ZNF443: variants seen among roughly 807,000 people sequenced by gnomAD.
ZNF443 encodes the protein zinc finger protein 443.
ZNF443 carries 3 observed loss-of-function variants against 12.0 expected under a neutral mutation model. The observed-to-expected ratio is 0.25, with a 90% CI of 0.11 to 0.64. The LOEUF (loss-of-function observed/expected upper bound fraction) is 0.64. ZNF443 is among the 30% of genes least tolerant of loss of function. The pLI is 0.84. For synonymous variants in ZNF443, 225 were observed against 265.9 expected, an observed-to-expected ratio of 0.85 and a Z score of 1.50; for missense variants, 770 against 808.8, an observed-to-expected ratio of 0.95 and a Z score of 0.58.
chr19:12,437,841 C>T (rs1265087186), intron 1 of ZNF443, among the ~76,000 whole-genome samples: 1 of 151,754 alleles, frequency 6.6e-6, no homozygotes, highest in Non-Finnish European at 1.5e-5. Context: ...CCTGTAATCC[C>T]AGCACTTTAG....
chr19:12,430,487 C>A lies in ZNF443; in HGVS notation c.1685G>T (p.Cys562Phe). The A allele has an allele frequency of 2.5e-6, 4 of 1,614,162 alleles. No individual in the cohort carries two copies. Among genetic ancestry groups the A allele is most frequent in the Non-Finnish European group, 3.4e-6 (4 of 1,179,994 alleles). The change falls in exon 4 of 4, where the codon TGT becomes TTT. Residue 562 changes from cysteine (C) to phenylalanine (F), a missense_variant. Coordinates refer to ENST00000301547, the MANE Select transcript of ZNF443 (RefSeq NM_005815.5). ...RIHSGEKPYECKECGKAFSWL... is the reference protein window; with the variant it reads ...RIHSGEKPYEFKECGKAFSWL... Reference sequence around the variant, plus strand: ...AGAGAATGCTTTCCCACATTCCTTACATTCATACGGCTTCTCTCCAGAGTG... The same window carrying A: ...AGAGAATGCTTTCCCACATTCCTTAAATTCATACGGCTTCTCTCCAGAGTG...
rs766072284 is a variant in ZNF443, at chr19:12,430,720, G to A, written c.1452C>T (p.Ala484=). 8 of 1,613,138 alleles carry A rather than the reference G, an allele frequency of 5.0e-6. No individual in the cohort carries two copies. The highest frequency in any genetic ancestry group is 5.9e-6 in the Non-Finnish European group (7 of 1,179,428). ...TTTGAAAGGAACAGAAATCAATACA[G>A]GCTTTCCCAAGTTTGCATTTATAGG... ...EKPYKCKLGK[A]CIDFCSFQNH... is the part of the protein sequence containing the mutation. Residue 484 remains alanine (A), a synonymous_variant, in exon 4 of 4, where the codon GCC becomes GCT. Transcript: ENST00000301547.
rs377099912 is a variant in ZNF443, at chr19:12,436,472, C to T, written c.4-3275G>A. On this transcript the variant is annotated intron_variant, in intron 1 of 3. Transcript: ENST00000301547. Reference sequence around the variant, plus strand: ...TTCAGCCTGGGCAACAAGAGCGAACCTCTGTCTCAAAAAAAAAGGGGTAGA... The same window carrying T: ...TTCAGCCTGGGCAACAAGAGCGAACTTCTGTCTCAAAAAAAAAGGGGTAGA... 2.3e-4 allele frequency among the ~76,000 whole-genome samples: 35 copies of T among 151,680 alleles called. 1 individual carries two copies. The South Asian group carries it at 7.3e-3, about 32-fold the overall frequency.
chr19:12,439,493 T>C (rs1056885447), intron 1 of ZNF443, among the ~76,000 whole-genome samples: 21 of 151,980 alleles, frequency 1.4e-4, no homozygotes, highest in Non-Finnish European at 3.1e-4. Flanking sequence ...GCTGTGGACA[T>C]CCATTTTTTT....
In ZNF443 at chr19:12,430,067, G is replaced by A; in HGVS notation, c.*89C>T. 6.3e-7 allele frequency: 1 copy of A among 1,591,646 alleles called. No homozygotes were observed. Among genetic ancestry groups the A allele is most frequent in the Non-Finnish European group, 8.6e-7 (1 of 1,168,484 alleles). ...CTTTACCAAGTGCTTACATTCACAG[G>A]GTCTATCTCCAATGTGTTTCGTACA... On this transcript the variant is annotated 3_prime_UTR_variant, in exon 4 of 4. Transcript: ENST00000301547.
At chr19:12,437,239 T>A (rs68146456) in intron 1 of ZNF443, among the ~76,000 whole-genome samples, 49,591 of 151,046 alleles carry the variant, frequency 0.33, 8,572 homozygotes, top group South Asian at 0.47. Flanking sequence ...GTGTAAAAAA[T>A]TAAATAAATA....
Position 12,430,339 on chromosome 19 carries a change from A to C in ZNF443, c.1833T>G (p.Thr611=). The change falls in exon 4 of 4, where the codon ACT becomes ACG. Residue 611 remains threonine (T), a synonymous_variant. Transcript: ENST00000301547. ...RFLQGHEKTH[T]GENPYECKEC... ...CCTTACATTCATACGGGTTCTCTCC[A>C]GTATGAGTTTTTTCATGTCCTTGAA... The C allele has an allele frequency of 6.2e-7, 1 of 1,613,850 alleles. No homozygotes were observed. Among genetic ancestry groups the C allele is most frequent in the Non-Finnish European group, 8.5e-7 (1 of 1,179,836 alleles).
At chr19:12,440,500 C>T (rs1189222309) in intron 1 of ZNF443, among the ~76,000 whole-genome samples, 2 of 152,164 alleles carry the variant, frequency 1.3e-5, no homozygotes, top group African/African-American at 2.4e-5. Flanking sequence ...CTACACCCAG[C>T]CGCCCCCGTC....
chr19:12,438,727 CA>C (rs1023247042), intron 1 of ZNF443, among the ~76,000 whole-genome samples: 2 of 150,772 alleles, frequency 1.3e-5, no homozygotes, highest in African/African-American at 4.9e-5. Context: ...AGCTCTGGGG[CA>C]AAAAAAATAA....
rs770582593 is a variant in ZNF443 at position 12,430,446 on chromosome 19, G to A, written c.1726C>T (p.Leu576=). The change falls in exon 4 of 4, where the codon CTA becomes TTA. Residue 576 remains leucine (L), a synonymous_variant. Transcript: ENST00000301547. The stretch of plus-strand genomic sequence containing the variant: ...CTCATGTGAATTCTTTCATGTCGTA[G>A]AAAGCAAGTGAGCCAAGAGAATGCT... ...GKAFSWLTCF[L]RHERIHMREK... 6.2e-7 allele frequency: 1 copy of A among 1,606,510 alleles called. No homozygotes were observed. The highest frequency in any genetic ancestry group is 2.2e-5 in the East Asian group (1 of 44,866).
intron 1 of ZNF443, among the ~76,000 whole-genome samples, chr19:12,433,424 G>A (rs4804695): frequency 0.32 from 48,669 of 151,538 alleles, 7,572 homozygotes; most frequent in South Asian, 0.47. Flanking sequence ...CATGCCACTT[G>A]TTGGCGAACT....
chr19:12,430,058 C>T lies in ZNF443; in HGVS notation c.*98G>A. 6.3e-7 allele frequency: 1 copy of T among 1,586,208 alleles called. No individual in the cohort carries two copies. The highest frequency in any genetic ancestry group is 8.6e-7 in the Non-Finnish European group (1 of 1,165,674). ...TACTTAAGGCTTTACCAAGTGCTTA[C>T]ATTCACAGGGTCTATCTCCAATGTG... On this transcript the variant is annotated 3_prime_UTR_variant, in exon 4 of 4. Transcript: ENST00000301547.
In ZNF443 at chr19:12,431,101, T is replaced by C. The variant is rs1463142569; in HGVS notation, c.1071A>G (p.Ile357Met). The change falls in exon 4 of 4, where the codon ATA becomes ATG. Residue 357 changes from isoleucine (I) to methionine (M), a missense_variant. This residue lies in a region of ZNF443 where 736 missense variants were observed against 689.4 expected (regional missense o/e 1.07). Coordinates refer to ENST00000301547, the MANE Select transcript of ZNF443 (RefSeq NM_005815.5). The part of the protein sequence containing the change: ...HHLGSFQRHM[I>M]RHTGNGPHKC... ...TATGAGGTCCATTTCCAGTGTGCCT[T>C]ATCATGTGTCTTTGAAAGCTTCCCA... is the stretch of plus-strand genomic sequence containing the variant. 5 of 1,614,132 alleles carry C rather than the reference T, an allele frequency of 3.1e-6. No homozygotes were observed. The highest frequency in any genetic ancestry group is 4.2e-6 in the Non-Finnish European group (5 of 1,180,010).
Position 12,440,979 on chromosome 19 carries a change from A to T in ZNF443, c.-65T>A. On this transcript the variant is annotated 5_prime_UTR_variant, in exon 1 of 4. Coordinates refer to ENST00000301547, the MANE Select transcript of ZNF443 (RefSeq NM_005815.5). ...CCCGCTGCCAATGCGTGTTCCAGCC[A>T]GACAAAGGCTGCCTCAGAACTTCCA... 6.2e-7 allele frequency: 1 copy of T among 1,613,070 alleles called. No homozygotes were observed.
chr19:12,434,005 C>A (rs1970284078), intron 1 of ZNF443, among the ~76,000 whole-genome samples: 1 of 152,186 alleles, frequency 6.6e-6, no homozygotes, highest in Non-Finnish European at 1.5e-5. Flanking sequence ...TCAGCTCCCT[C>A]ACCATGTGAT....
At chr19:12,435,870 A>G (rs1173492886) in intron 1 of ZNF443, among the ~76,000 whole-genome samples, 1 of 152,076 alleles carries the variant, frequency 6.6e-6, no homozygotes, top group East Asian at 1.9e-4. Context: ...GAACAATTAC[A>G]GTCTTCAACA....
At chr19:12,432,597 C>CAT (rs983417491) in intron 2 of ZNF443, among the ~76,000 whole-genome samples, 160 bp from the exon 3 acceptor site, 9 of 140,922 alleles carry the variant, frequency 6.4e-5, no homozygotes, top group Non-Finnish European at 1.4e-4. Context: ...TTTGTATATA[C>CAT]ATATATATAT....
intron 1 of ZNF443, among the ~76,000 whole-genome samples, chr19:12,434,292 C>T (rs1970287004): frequency 6.6e-6 from 1 of 152,040 alleles, no homozygotes; most frequent in Non-Finnish European, 1.5e-5. Flanking sequence ...GGGATTTAGC[C>T]CATCCTATGT....
chr19:12,439,889 T>G (rs182879606), intron 1 of ZNF443, among the ~76,000 whole-genome samples: 1 of 152,030 alleles, frequency 6.6e-6, no homozygotes, highest in African/African-American at 2.4e-5. Context: ...CAGTTCATAC[T>G]GTTGCTGTGA....
Sources: gnomAD v4.1 joint callset for allele counts (sites outside exome capture counted in the v4.1 genomes callset) on GRCh38, gnomAD v4.1.1 for gene constraint, gnomAD v4.1.1 regional missense constraint, MANE v1.5 for transcripts, NCBI Gene and HGNC (gene_info 2026-07-23, HGNC 2026-07-21) for gene names.